The following ADAMTS3 variants were observed in gnomAD, a reference collection of about 807,000 sequenced individuals.
The protein encoded by ADAMTS3 is A disintegrin and metalloproteinase with thrombospondin motifs 3.
A neutral mutation model predicts 129.0 loss-of-function variants in ADAMTS3; 73 were observed. The observed-to-expected ratio is 0.57, with a 90% CI of 0.47 to 0.69. ADAMTS3 has a LOEUF of 0.69. Ranked by LOEUF, ADAMTS3 falls within the 30% of genes least tolerant of loss-of-function variation. The pLI is 0.00. For synonymous variants in ADAMTS3, 477 were observed against 510.8 expected, an observed-to-expected ratio of 0.93 and a Z score of 0.89; for missense variants, 1,457 against 1,514.5, an observed-to-expected ratio of 0.96 and a Z score of 0.63.
chr4:72,366,725 A>C (rs1322436987), intron 4 of ADAMTS3, among the ~76,000 whole-genome samples: 1 of 151,920 alleles, frequency 6.6e-6, no homozygotes, highest in Non-Finnish European at 1.5e-5. Context: ...TTTTCTAGAT[A>C]ATTGCATCCT....
intron 3 of ADAMTS3, among the ~76,000 whole-genome samples, chr4:72,529,978 A>ATATATAATATATTATATTTATATATAT (rs372655516): frequency 1.5e-4 from 1 of 6,724 alleles, no homozygotes; most frequent in African/African-American, 7.2e-4. Flanking sequence ...TTTATATATA[A>ATATATAATATATTATATTTATATATAT]ATATAATATA....
intron 20 of ADAMTS3, 40 bp from the exon 21 acceptor site, chr4:72,288,908 C>T (rs1454493396): frequency 9.6e-7 from 1 of 1,043,652 alleles, no homozygotes; most frequent in Non-Finnish European, 1.5e-6. Flanking sequence ...ATTTATTGCA[C>T]CAAGACCATG....
intron 5 of ADAMTS3, among the ~76,000 whole-genome samples, chr4:72,328,979 G>A (rs941863876): frequency 2.0e-5 from 3 of 152,124 alleles, no homozygotes; most frequent in Non-Finnish European, 2.9e-5. Context: ...AAACAGAGGT[G>A]TCTCCCAATC....
intron 4 of ADAMTS3, among the ~76,000 whole-genome samples, chr4:72,351,854 C>A (rs894135461): frequency 2.0e-5 from 3 of 151,864 alleles, no homozygotes; most frequent in Admixed American, 2.0e-4. Context: ...TTTTAAAAAT[C>A]ATATTTAGAT....
chr4:72,295,463 G>A (rs1718780045), intron 19 of ADAMTS3, among the ~76,000 whole-genome samples, 191 bp downstream of exon 19: 1 of 152,068 alleles, frequency 6.6e-6, no homozygotes, highest in Non-Finnish European at 1.5e-5. Context: ...GAAAGTGGTT[G>A]TTTTTGAGGA....
In ADAMTS3 at chr4:72,281,594, T is replaced by C. The variant is rs1162415845; in HGVS notation, c.*1542A>G. On this transcript the variant is annotated 3_prime_UTR_variant, in exon 22 of 22. Coordinates refer to ENST00000286657, the MANE Select transcript of ADAMTS3 (RefSeq NM_014243.3). ...GAGTCCATACAATTTAATGTTTCCTTGAAGGGAAACAAGTCATCAACTTAA... is the reference window on the plus strand; with the variant it reads ...GAGTCCATACAATTTAATGTTTCCTCGAAGGGAAACAAGTCATCAACTTAA... 2 of 152,188 alleles carry C rather than the reference T, an allele frequency of 1.3e-5. No individual in the cohort carries two copies. Among genetic ancestry groups the C allele is most frequent in the Non-Finnish European group, 2.9e-5 (2 of 68,034 alleles). The allele number at this position is 152,188 out of a possible 1,614,324, so 9.4% of individuals were successfully genotyped here.
chr4:72,514,822 A>T lies in ADAMTS3; in HGVS notation c.504+33656T>A, dbSNP rs553733616. On this transcript the variant is annotated intron_variant, in intron 3 of 21. Transcript: ENST00000286657. ...TTAAAAATTAACTCCAATATTTACA[A>T]TCTTTTTTCCTTTTTTTTAATTATT... Among the ~76,000 whole-genome samples the T allele has an allele frequency of 2.6e-5, 4 of 152,114 alleles. No individual in the cohort carries two copies. In the East Asian group the frequency reaches 7.7e-4, roughly 29 times the overall value.
At chr4:72,509,593 A>G (rs906022164) in intron 3 of ADAMTS3, among the ~76,000 whole-genome samples, 1 of 152,088 alleles carries the variant, frequency 6.6e-6, no homozygotes, top group Non-Finnish European at 1.5e-5. Context: ...GAACAAACCA[A>G]TAACAAGTAA....
chr4:72,319,108 A>T (rs561660955), intron 9 of ADAMTS3, among the ~76,000 whole-genome samples: 1 of 152,314 alleles, frequency 6.6e-6, no homozygotes, highest in African/African-American at 2.4e-5. Flanking sequence ...ACTAAAGGAA[A>T]ATTACATTAC....
intron 3 of ADAMTS3, among the ~76,000 whole-genome samples, chr4:72,512,557 A>G (rs913684024): frequency 6.6e-6 from 1 of 152,240 alleles, no homozygotes; most frequent in African/African-American, 2.4e-5. Context: ...CAAGGTGACT[A>G]TAGTCAATAA....
At chr4:72,335,846 C>T (rs1401442871) in intron 5 of ADAMTS3, among the ~76,000 whole-genome samples, 1 of 152,104 alleles carries the variant, frequency 6.6e-6, no homozygotes, top group African/African-American at 2.4e-5. Flanking sequence ...TCCAAAATTT[C>T]TGACTTCCTC....
intron 5 of ADAMTS3, among the ~76,000 whole-genome samples, chr4:72,328,871 T>A (rs2109818834): frequency 6.6e-6 from 1 of 152,252 alleles, no homozygotes; most frequent in East Asian, 1.9e-4. Context: ...CTGAGAAAAG[T>A]ATTACTCTGT....
At chr4:72,391,571 G>A (rs995986675) in intron 4 of ADAMTS3, among the ~76,000 whole-genome samples, 1 of 152,066 alleles carries the variant, frequency 6.6e-6, no homozygotes, top group African/African-American at 2.4e-5. Context: ...TTTTAAGCAG[G>A]GACCAAATCT....
intron 3 of ADAMTS3, among the ~76,000 whole-genome samples, chr4:72,504,997 C>T (rs944912126): frequency 3.9e-5 from 6 of 152,122 alleles, no homozygotes; most frequent in African/African-American, 1.4e-4. Context: ...TGATTTTCAA[C>T]CTTGACTTGG....
chr4:72,478,492 AC>A (rs1261888308), intron 3 of ADAMTS3, among the ~76,000 whole-genome samples: 2 of 147,828 alleles, frequency 1.4e-5, no homozygotes, highest in Non-Finnish European at 3.0e-5. Flanking sequence ...AAATTCAACA[AC>A]CCTTCATGCT....
chr4:72,352,668 G>A (rs541423462), intron 4 of ADAMTS3, among the ~76,000 whole-genome samples: 115 of 152,132 alleles, frequency 7.6e-4, no homozygotes, highest in African/African-American at 2.7e-3. Flanking sequence ...AACTGAGGAA[G>A]AATCAGTTTA....
At chr4:72,499,815 C>T (rs1007334175) in intron 3 of ADAMTS3, among the ~76,000 whole-genome samples, 1 of 152,004 alleles carries the variant, frequency 6.6e-6, no homozygotes, top group Non-Finnish European at 1.5e-5. Flanking sequence ...TCCATCATTC[C>T]CATCTTTATG....
intron 2 of ADAMTS3, among the ~76,000 whole-genome samples, chr4:72,558,958 T>C (rs1009829238): frequency 1.3e-5 from 2 of 151,738 alleles, no homozygotes; most frequent in African/African-American, 4.9e-5. Flanking sequence ...GAGTGAAAGG[T>C]AGAATGACAG....
At chr4:72,299,053 CTGTG>C (rs60439058) in intron 17 of ADAMTS3, among the ~76,000 whole-genome samples, 11,713 of 137,980 alleles carry the variant, frequency 0.085, 689 homozygotes, top group East Asian at 0.32. Context: ...TATTTGCATT[CTGTG>C]TGTGTGTGTG....
Sources: allele counts gnomAD v4.1 joint callset (sites outside exome capture counted in the v4.1 genomes callset), GRCh38; gene constraint gnomAD v4.1.1; transcripts MANE v1.5; gene names NCBI Gene and HGNC (gene_info 2026-07-23, HGNC 2026-07-21).